The following THNSL2 variants were observed in gnomAD, a reference collection of about 807,000 sequenced individuals.
The protein encoded by THNSL2 is threonine synthase like 2.
THNSL2 carries 34 observed loss-of-function variants against 40.0 expected under a neutral mutation model. The ratio of observed to expected loss-of-function variants is 0.85; its 90% confidence interval spans 0.65 to 1.13. The LOEUF is 1.13. Among genes scored for constraint, THNSL2 ranks in the 50% most tolerant of loss-of-function variants. The pLI, the probability that THNSL2 is intolerant of heterozygous loss-of-function variation, is 0.00. For synonymous variants in THNSL2, 241 were observed against 247.5 expected, an observed-to-expected ratio of 0.97 and a Z score of 0.25; for missense variants, 537 against 608.8, an observed-to-expected ratio of 0.88 and a Z score of 1.24.
At chr2:88,171,163 C>T (rs780395296) in intron 1 of THNSL2, 22 of 404,898 alleles carry the variant, frequency 5.4e-5, no homozygotes, top group Middle Eastern at 3.5e-4. Context: ...ACTTCACCAC[C>T]TCCTGTGGTT....
chr2:88,178,773 C>G lies in THNSL2; in HGVS notation c.572-10C>G. On this transcript the variant is annotated splice_polypyrimidine_tract_variant and intron_variant, in intron 4 of 8. Coordinates refer to ENST00000674334, the MANE Select transcript of THNSL2 (RefSeq NM_018271.5). ...TCCTGACAGCTGCCCTCTTCTCTCC[C>G]CCCTGGCAGTGGAGGGAAACAGCGA... 1 of 1,613,960 alleles carries G rather than the reference C, an allele frequency of 6.2e-7. No homozygotes were observed. The highest frequency in any genetic ancestry group is 8.5e-7 in the Non-Finnish European group (1 of 1,179,894).
At chr2:88,171,480 A>G (rs1676371195) in intron 1 of THNSL2, 1 of 376,792 alleles carries the variant, frequency 2.7e-6, no homozygotes, top group Non-Finnish European at 5.4e-6. Flanking sequence ...GCTGTACCTT[A>G]CTGCCTTGCT....
chr2:88,180,653 C>A (rs1032610715), intron 5 of THNSL2, among the ~76,000 whole-genome samples: 2 of 152,144 alleles, frequency 1.3e-5, no homozygotes, highest in African/African-American at 4.8e-5. Context: ...AGCTACTCAC[C>A]AGAGATAAAC....
intron 1 of THNSL2, chr2:88,172,781 A>G (rs951591841): frequency 4.7e-5 from 8 of 169,458 alleles, no homozygotes; most frequent in African/African-American, 1.9e-4. Flanking sequence ...TCGCCTTAGC[A>G]AGAGGGATAT....
At position 88,182,748 on chromosome 2, in the gene THNSL2, A is replaced by G. The variant is rs781035072; in HGVS notation, c.852A>G (p.Ala284=). 1.2e-6 allele frequency: 2 copies of G among 1,614,204 alleles called. No homozygotes were observed. The highest frequency in any genetic ancestry group is 1.1e-5 in the South Asian group (1 of 91,084). The change falls in exon 6 of 9, where the codon GCA becomes GCG. Residue 284 remains alanine (A), a synonymous_variant. Coordinates refer to ENST00000674334, the MANE Select transcript of THNSL2 (RefSeq NM_018271.5). The part of the protein sequence containing the change: ...KIGLPIRLVV[A]VNRNDIIHRT... ...GCCTGCCCATCCGTCTGGTCGTGGC[A>G]GTGAACCGCAATGACATCATCCACA...
chr2:88,174,840 T>C lies in THNSL2; in HGVS notation c.418+7T>C. The C allele has an allele frequency of 1.9e-6, 3 of 1,613,432 alleles. No individual in the cohort carries two copies. The highest frequency in any genetic ancestry group is 2.5e-6 in the Non-Finnish European group (3 of 1,179,450). ...CACGTCACTGTGGTTGTAGGTGTGT[T>C]TTTGGGGCACAAACGCAGAATACCT... On this transcript the variant is annotated splice_region_variant and intron_variant, in intron 3 of 8. Coordinates refer to ENST00000674334, the MANE Select transcript of THNSL2 (RefSeq NM_018271.5).
At chr2:88,178,314 A>G (rs571576458) in intron 4 of THNSL2, among the ~76,000 whole-genome samples, 4 of 152,306 alleles carry the variant, frequency 2.6e-5, no homozygotes, top group African/African-American at 9.6e-5. Context: ...GGCAGACCAC[A>G]GGGGAATGGT....
intron 5 of THNSL2, among the ~76,000 whole-genome samples, chr2:88,180,057 T>G (rs1558893657): frequency 6.6e-6 from 1 of 152,204 alleles, no homozygotes; most frequent in Non-Finnish European, 1.5e-5. Context: ...GGGATGGGCT[T>G]CTTTGCCACT....
At chr2:88,179,089 C>G (rs1677261162) in intron 5 of THNSL2, 76 bp downstream of exon 5, 1 of 1,446,206 alleles carries the variant, frequency 6.9e-7, no homozygotes, top group Non-Finnish European at 9.7e-7. Flanking sequence ...TGCCCTTTGG[C>G]TGCAACTGTG....
At chr2:88,178,176 A>G (rs1202699647) in intron 4 of THNSL2, among the ~76,000 whole-genome samples, 1 of 152,182 alleles carries the variant, frequency 6.6e-6, no homozygotes, top group Non-Finnish European at 1.5e-5. Context: ...TTATCTGGTA[A>G]TTCACTCATA....
chr2:88,170,497 G>C (rs1478095014), intron 1 of THNSL2, 41 bp downstream of exon 1: 2 of 151,158 alleles, frequency 1.3e-5, no homozygotes, highest in Non-Finnish European at 3.0e-5. Context: ...GGGTCGTCGC[G>C]GGCGAGATTT....
At chr2:88,178,720 G>C in intron 4 of THNSL2, 63 bp from the exon 5 acceptor site, 1 of 1,581,576 alleles carries the variant, frequency 6.3e-7, no homozygotes, top group Non-Finnish European at 8.7e-7. Context: ...TCGCAGGTGA[G>C]TGCTGACCTC....
At chr2:88,184,434 C>A (rs756223862) in intron 7 of THNSL2, among the ~76,000 whole-genome samples, 10 of 152,168 alleles carry the variant, frequency 6.6e-5, no homozygotes, top group Non-Finnish European at 1.5e-4. Context: ...TCATTGTCTG[C>A]TGGGAACCCT....
At chr2:88,185,071 C>A (rs139451025) in intron 7 of THNSL2, among the ~76,000 whole-genome samples, 1 of 152,304 alleles carries the variant, frequency 6.6e-6, no homozygotes, top group African/African-American at 2.4e-5. Context: ...TTGAACAAAT[C>A]TATATTTGCT....
intron 3 of THNSL2, 32 bp from the exon 4 acceptor site, chr2:88,175,217 A>G: frequency 6.2e-7 from 1 of 1,606,096 alleles, no homozygotes. Context: ...CTTTGTTCTA[A>G]AGGGGGAGAG....
Position 88,174,851 on chromosome 2 carries a change from A to T in THNSL2, c.418+18A>T, listed in dbSNP as rs2139100. 1 of 1,612,116 alleles carries T rather than the reference A, an allele frequency of 6.2e-7. No homozygotes were observed. The highest frequency in any genetic ancestry group is 1.1e-5 in the South Asian group (1 of 90,942). On this transcript the variant is annotated intron_variant, in intron 3 of 8. Coordinates refer to ENST00000674334, the MANE Select transcript of THNSL2 (RefSeq NM_018271.5). Reference sequence around the variant, plus strand: ...GGTTGTAGGTGTGTTTTTGGGGCACAAACGCAGAATACCTGAGTGCTGTGA... The same window carrying T: ...GGTTGTAGGTGTGTTTTTGGGGCACTAACGCAGAATACCTGAGTGCTGTGA...
At chr2:88,171,958 G>T (rs1455525913) in intron 1 of THNSL2, 1 of 152,264 alleles carries the variant, frequency 6.6e-6, no homozygotes, top group African/African-American at 2.4e-5. Flanking sequence ...CTTGCACGGG[G>T]GCCCACAGAT....
At chr2:88,185,714 C>G (rs1433090424) in intron 8 of THNSL2, 184 bp from the exon 9 acceptor site, 5 of 1,551,070 alleles carry the variant, frequency 3.2e-6, no homozygotes, top group South Asian at 1.2e-5. Flanking sequence ...CCAGGAGGAG[C>G]AGTTTGCCAG....
rs772656268 is a variant in THNSL2, at chr2:88,175,372, T to G, written c.542T>G (p.Val181Gly). 2 of 1,614,094 alleles carry G rather than the reference T, an allele frequency of 1.2e-6. No individual in the cohort carries two copies. Among genetic ancestry groups the G allele is most frequent in the Non-Finnish European group, 1.7e-6 (2 of 1,180,014 alleles). Residue 181 changes from valine to glycine, a missense_variant, in exon 4 of 9, where the codon GTG becomes GGG. Val to Gly is a moderately radical substitution (Grantham distance 109). Coordinates refer to ENST00000674334, the MANE Select transcript of THNSL2 (RefSeq NM_018271.5). ...TKIQELQMTT[V>G]LKQNVHVFGV... ...ATTCAGGAGCTCCAGATGACAACGG[T>G]GCTGAAGCAGAACGTACATGTGTTT...
Sources: allele counts gnomAD v4.1 joint callset (sites outside exome capture counted in the v4.1 genomes callset), GRCh38; gene constraint gnomAD v4.1.1; transcripts MANE v1.5; gene names NCBI Gene and HGNC (gene_info 2026-07-23, HGNC 2026-07-21).